Variants in TASP1 observed in about 807,000 individuals in gnomAD.
TASP1 encodes the protein threonine aspartase 1.
TASP1 carries 16 observed loss-of-function variants against 56.6 expected under a neutral mutation model. The observed-to-expected ratio is 0.28, with a 90% CI of 0.19 to 0.43. The LOEUF is 0.43. Among genes scored for constraint, TASP1 ranks in the 20% least tolerant of loss-of-function variants. The pLI is 1.00. For missense variants in TASP1, 393 were observed against 511.6 expected (o/e 0.77, Z 2.24); for synonymous variants, 179 against 184.2 (o/e 0.97, Z 0.23).
intron 10 of TASP1, among the ~76,000 whole-genome samples, 173 bp downstream of exon 10, chr20:13,528,260 G>A (rs868248335): frequency 1.0e-4 from 14 of 137,086 alleles, no homozygotes; most frequent in Middle Eastern, 4.1e-3. Flanking sequence ...TGTTAGCAAA[G>A]TATTTACACT....
the TASP1 span, chr20:13,164,723 T>C: frequency 2.6e-6 from 4 of 1,566,984 alleles, no homozygotes; most frequent in Non-Finnish European, 3.5e-6. Context: ...AGGTGTTCAA[T>C]GATAGCTATT....
At chr20:13,303,066 C>T in the TASP1 span, among the ~76,000 whole-genome samples, 16 of 152,270 alleles carry the variant, frequency 1.1e-4, no homozygotes, top group East Asian at 7.7e-4. Flanking sequence ...CACAGGAGAC[C>T]GGCATTATTA....
chr20:13,319,971 C>G, the TASP1 span, among the ~76,000 whole-genome samples: 7,498 of 152,302 alleles, frequency 0.049, 241 homozygotes, highest in Non-Finnish European at 0.072. Flanking sequence ...AAAGCACAGG[C>G]AGTTCTGAAA....
the TASP1 span, among the ~76,000 whole-genome samples, chr20:13,156,635 T>A: frequency 1.2e-4 from 18 of 152,324 alleles, no homozygotes; most frequent in African/African-American, 3.6e-4. Flanking sequence ...ACCTCTTATA[T>A]AAGAGCTATT....
the TASP1 span, chr20:13,165,152 T>C: frequency 3.2e-6 from 1 of 317,386 alleles, no homozygotes; most frequent in South Asian, 5.7e-5. Context: ...GCAATAAGCC[T>C]GTGTTTTAGC....
intron 11 of TASP1, among the ~76,000 whole-genome samples, chr20:13,440,630 A>T (rs1036601872): frequency 2.0e-5 from 3 of 152,012 alleles, no homozygotes; most frequent in Non-Finnish European, 4.4e-5. Flanking sequence ...CTATGTAGTT[A>T]GGATGTGAAT....
the TASP1 span, among the ~76,000 whole-genome samples, chr20:13,164,020 C>T: frequency 6.6e-6 from 1 of 152,100 alleles, no homozygotes; most frequent in Non-Finnish European, 1.5e-5. Flanking sequence ...CGTCATTTAG[C>T]ATTAGGTATA....
At chr20:13,221,934 G>A in the TASP1 span, 2 of 1,320,732 alleles carry the variant, frequency 1.5e-6, no homozygotes, top group Non-Finnish European at 1.9e-6. Flanking sequence ...CCGCCGGAGA[G>A]GGCCGTGCGC....
At chr20:13,308,869 C>G in the TASP1 span, among the ~76,000 whole-genome samples, 1 of 152,094 alleles carries the variant, frequency 6.6e-6, no homozygotes, top group Non-Finnish European at 1.5e-5. Flanking sequence ...AAAGGGACCC[C>G]GAGAGAGCTC....
the TASP1 span, chr20:13,368,822 A>G: frequency 1.3e-5 from 2 of 152,162 alleles, no homozygotes; most frequent in African/African-American, 4.8e-5. Context: ...ATGGCTTGCA[A>G]TGCATTAGTA....
chr20:13,285,650 T>C, the TASP1 span, among the ~76,000 whole-genome samples: 2 of 152,206 alleles, frequency 1.3e-5, no homozygotes, highest in Admixed American at 6.5e-5. Context: ...AAGCAAGTCA[T>C]GTGGCCCATC....
chr20:13,209,116 AGTT>A, the TASP1 span, among the ~76,000 whole-genome samples: 2 of 152,168 alleles, frequency 1.3e-5, no homozygotes, highest in Admixed American at 1.3e-4. Context: ...AGCCCCATGA[AGTT>A]GTTGTTCTTT....
the TASP1 span, among the ~76,000 whole-genome samples, chr20:13,291,752 T>C: frequency 1.4e-4 from 22 of 152,192 alleles, no homozygotes; most frequent in African/African-American, 5.1e-4. Flanking sequence ...TAACTCTTCT[T>C]GGCTATGCAT....
intron 11 of TASP1, among the ~76,000 whole-genome samples, chr20:13,452,504 T>C (rs2146299651): frequency 6.6e-6 from 1 of 151,946 alleles, no homozygotes; most frequent in African/African-American, 2.4e-5. Context: ...TATAGTAATA[T>C]TTTAAATTTT....
chr20:13,216,561 G>A, the TASP1 span, among the ~76,000 whole-genome samples: 112 of 152,146 alleles, frequency 7.4e-4, no homozygotes, highest in African/African-American at 2.6e-3. Flanking sequence ...AGCCCACAAA[G>A]ACAAAAAATA....
chr20:13,493,514 G>C (rs1051131245), intron 10 of TASP1, among the ~76,000 whole-genome samples: 1 of 152,054 alleles, frequency 6.6e-6, no homozygotes, highest in Non-Finnish European at 1.5e-5. Context: ...CATACTTCAG[G>C]TTCTTCAGCC....
At chr20:13,482,732 T>C (rs926932917) in intron 11 of TASP1, among the ~76,000 whole-genome samples, 2 of 152,190 alleles carry the variant, frequency 1.3e-5, no homozygotes, top group African/African-American at 4.8e-5. Flanking sequence ...TCACATATGC[T>C]ATTAAGCCGA....
chr20:13,299,615 G>A, the TASP1 span: 1 of 744,180 alleles, frequency 1.3e-6, no homozygotes, highest in Non-Finnish European at 2.1e-6. This position sits in a 1 kb window ranked among gnomAD's most constrained non-coding sequence, Gnocchi z 5.8. Context: ...AGGGGCGTGT[G>A]CCACGCCCAG....
chr20:13,160,918 T>C, the TASP1 span, among the ~76,000 whole-genome samples: 2 of 152,180 alleles, frequency 1.3e-5, no homozygotes, highest in African/African-American at 4.8e-5. Flanking sequence ...CCAGGCCTTT[T>C]TAATAAAGCT....
Sources: gnomAD v4.1 joint callset for allele counts (sites outside exome capture counted in the v4.1 genomes callset) on GRCh38, gnomAD v4.1.1 for gene constraint, Gnocchi (gnomAD v3.1) non-coding constraint, MANE v1.5 for transcripts, NCBI Gene and HGNC (gene_info 2026-07-23, HGNC 2026-07-21) for gene names.